PSG5: variants seen among roughly 807,000 people sequenced by gnomAD.
PSG5 encodes the protein pregnancy specific beta-1-glycoprotein 5, also known as pregnancy-specific beta-1-glycoprotein 5.
A neutral mutation model predicts 37.7 loss-of-function variants in PSG5; 53 were observed. The observed-to-expected ratio is 1.41, with a 90% confidence interval of 1.13 to 1.77. The LOEUF is 1.77. Among genes scored for constraint, PSG5 ranks in the 40% most tolerant of loss-of-function variants. The probability of loss-of-function intolerance (pLI) is 0.00; values close to 1 mark genes in which losing one functional copy is unlikely to be tolerated. For missense variants in PSG5, 547 were observed against 405.2 expected, an observed-to-expected ratio of 1.35 and a Z score of -3.00; for synonymous variants, 221 against 155.4, an observed-to-expected ratio of 1.42 and a Z score of -3.14.
chr19:43,174,711 C>G (rs1968968630), intron 4 of PSG5: 1 of 1,007,356 alleles, frequency 9.9e-7, no homozygotes, highest in Non-Finnish European at 1.2e-6. Flanking sequence ...TGAGGCAGGC[C>G]CAGTCACCAG....
At position 43,175,449 on chromosome 19, in the gene PSG5, T is replaced by G. The variant is rs963405808; in HGVS notation, c.730A>C (p.Ile244Leu). The change falls in exon 4 of 6, where the codon ATT (isoleucine) becomes CTT (leucine). Residue 244 changes from isoleucine (I) to leucine (L), a missense_variant. Coordinates refer to ENST00000342951, the MANE Select transcript of PSG5 (RefSeq NM_002781.4). ...NVLYGPDLPS[I>L]YPSFTYYRSG... is the part of the protein sequence containing the mutation. ...CGGTAATAGGTGAATGAAGGGTAAATGCTGGGGAGGTCTGGACCATCTGGA... is the reference window on the plus strand; with the variant it reads ...CGGTAATAGGTGAATGAAGGGTAAAGGCTGGGGAGGTCTGGACCATCTGGA... The G allele has an allele frequency of 1.2e-6, 2 of 1,611,212 alleles. No individual in the cohort carries two copies. Among genetic ancestry groups the G allele is most frequent in the Non-Finnish European group, 1.7e-6 (2 of 1,178,488 alleles).
intron 4 of PSG5, chr19:43,174,602 G>A (rs1321600896): frequency 1.4e-5 from 14 of 969,862 alleles, no homozygotes; most frequent in Admixed American, 5.8e-5. Flanking sequence ...AGCCTGGCCC[G>A]GGGGAGGCTT....
intron 4 of PSG5, among the ~76,000 whole-genome samples, chr19:43,173,421 T>C (rs190466131): frequency 7.8e-4 from 118 of 151,730 alleles, no homozygotes; most frequent in Admixed American, 1.8e-3. Context: ...AAAGGCAACC[T>C]ATGAAATGAT....
intron 2 of PSG5, chr19:43,179,220 T>G: frequency 6.7e-7 from 1 of 1,483,420 alleles, no homozygotes; most frequent in South Asian, 1.2e-5. Context: ...AAAGGCACTT[T>G]TCAATCAGAG....
chr19:43,185,670 C>T (rs183668227), intron 1 of PSG5, among the ~76,000 whole-genome samples: 1 of 151,738 alleles, frequency 6.6e-6, no homozygotes, highest in Admixed American at 6.6e-5. Flanking sequence ...GGTTGCACCC[C>T]AGTGCCTGGA....
At chr19:43,168,388 A>G (rs1968832069) in intron 5 of PSG5, among the ~76,000 whole-genome samples, 185 bp from the exon 6 acceptor site, 1 of 151,106 alleles carries the variant, frequency 6.6e-6, no homozygotes, top group Non-Finnish European at 1.5e-5. Flanking sequence ...TTTTTTTTTG[A>G]AATGGAGTCT....
intron 1 of PSG5, among the ~76,000 whole-genome samples, chr19:43,185,442 C>CTA (rs1966914468): frequency 7.1e-6 from 1 of 140,786 alleles, no homozygotes; most frequent in Non-Finnish European, 1.6e-5. Context: ...CCCCCCCCCC[C>CTA]ACACTGCCCT....
chr19:43,179,693 G>A (rs1440928644), intron 2 of PSG5, among the ~76,000 whole-genome samples: 1 of 151,768 alleles, frequency 6.6e-6, no homozygotes, highest in Non-Finnish European at 1.5e-5. Flanking sequence ...GGAGACCAGA[G>A]TCAAGCCTGG....
chr19:43,170,162 A>G (rs749230695), intron 4 of PSG5, 24 bp from the exon 5 acceptor site: 1 of 1,554,558 alleles, frequency 6.4e-7, no homozygotes, highest in Non-Finnish European at 8.8e-7. Context: ...AAAAGTAAAG[A>G]AGGAATGAAG....
chr19:43,179,343 G>A (rs1969079456), intron 2 of PSG5, among the ~76,000 whole-genome samples: 1 of 151,506 alleles, frequency 6.6e-6, no homozygotes, highest in African/African-American at 2.4e-5. Flanking sequence ...GAGGCTGCCT[G>A]CTTTATGTGG....
chr19:43,172,032 AC>A (rs1968918102), intron 4 of PSG5, among the ~76,000 whole-genome samples: 1 of 150,940 alleles, frequency 6.6e-6, no homozygotes, highest in Non-Finnish European at 1.5e-5. Flanking sequence ...AGCGATTACT[AC>A]CAATTCTAAT....
chr19:43,185,433 C>G (rs910315184), intron 1 of PSG5, among the ~76,000 whole-genome samples: 9 of 143,938 alleles, frequency 6.3e-5, no homozygotes, highest in East Asian at 4.0e-4. Context: ...CACGGCACCC[C>G]CCCCCCCCCA....
rs1599756413 is a variant in PSG5 at position 43,184,675 on chromosome 19, T to C, written c.430+107A>G. 6 of 1,570,790 alleles carry C rather than the reference T, an allele frequency of 3.8e-6. No individual in the cohort carries two copies. The Admixed American group carries it at 8.4e-5, about 22-fold the overall frequency. The stretch of plus-strand genomic sequence containing the variant: ...AATGCCCAAACCGCAGCATGGGACA[T>C]AATGCAGAGAGGGACACAGGCACAG... On this transcript the variant is annotated intron_variant, in intron 2 of 5. Transcript: ENST00000342951.
chr19:43,174,261 G>A (rs1968958992), intron 4 of PSG5: 1 of 222,280 alleles, frequency 4.5e-6, no homozygotes, highest in Non-Finnish European at 7.5e-6. Context: ...AATATGGTAA[G>A]AGGAAAAAGT....
chr19:43,171,995 A>AG lies in PSG5; in HGVS notation c.965-1858_965-1857insC, dbSNP rs994170089. Among the ~76,000 whole-genome samples, 6 of 150,484 alleles carry AG rather than the reference A, an allele frequency of 4.0e-5. 1 individual carries two copies. Among genetic ancestry groups the AG allele is most frequent in the African/African-American group, 7.4e-5 (3 of 40,736 alleles). ...CCGTCCCTCTCTTCAAAAAAAAAAA[A>AG]AAAGAAAAAGAAAGAAAGAAAAATG... On this transcript the variant is annotated intron_variant, in intron 4 of 5. Coordinates refer to ENST00000342951, the MANE Select transcript of PSG5 (RefSeq NM_002781.4).
At chr19:43,169,607 G>A (rs1415323469) in intron 5 of PSG5, among the ~76,000 whole-genome samples, 3 of 151,604 alleles carry the variant, frequency 2.0e-5, no homozygotes, top group Non-Finnish European at 4.4e-5. Context: ...GGCTAGAGTA[G>A]ACCCCTGCAG....
chr19:43,179,879 C>T (rs1599752054), intron 2 of PSG5, among the ~76,000 whole-genome samples: 1 of 151,720 alleles, frequency 6.6e-6, no homozygotes, highest in Admixed American at 6.6e-5. Context: ...ACCATTGTTC[C>T]CTGTTCTGGG....
chr19:43,185,442 C>CAA (rs1257943840), intron 1 of PSG5, among the ~76,000 whole-genome samples: 2 of 140,896 alleles, frequency 1.4e-5, no homozygotes, highest in Non-Finnish European at 3.1e-5. Context: ...CCCCCCCCCC[C>CAA]ACACTGCCCT....
Position 43,175,992 on chromosome 19 carries a change from G to A in PSG5, c.587C>T (p.Pro196Leu), listed in dbSNP as rs140437274. Residue 196 changes from proline (P) to leucine (L), a missense_variant, in exon 3 of 6, where the codon CCC becomes CTC. Transcript: ENST00000342951. ...TAGAATGAGGATCCTGTTTTCAATG[G>A]GTCGCTTTACCCTGGGACTGACCGG... ...SLPVSPRVKR[P>L]IENRILILPS... 113 of 1,611,512 alleles carry A rather than the reference G, an allele frequency of 7.0e-5. 1 individual carries two copies. The African/African-American group carries it at 1.3e-3, about 19-fold the overall frequency.
Sources: gnomAD v4.1 joint callset for allele counts (sites outside exome capture counted in the v4.1 genomes callset) on GRCh38, gnomAD v4.1.1 for gene constraint, MANE v1.5 for transcripts, NCBI Gene and HGNC (gene_info 2026-07-23, HGNC 2026-07-21) for gene names.